Variants in METTL25 observed in about 807,000 individuals in gnomAD.
METTL25 encodes the protein methyltransferase like 25.
METTL25 carries 64 observed loss-of-function variants against 71.6 expected under a neutral mutation model. That is an observed-to-expected ratio of 0.89 (90% CI 0.73 to 1.10). The LOEUF (loss-of-function observed/expected upper bound fraction) is 1.10. Among genes scored for constraint, METTL25 ranks in the 50% least tolerant of loss-of-function variants. The pLI, the probability that METTL25 is intolerant of heterozygous loss-of-function variation, is 0.00. For synonymous variants in METTL25, 287 were observed against 250.3 expected, an observed-to-expected ratio of 1.15 and a Z score of -1.38; for missense variants, 807 against 707.0, an observed-to-expected ratio of 1.14 and a Z score of -1.60.
At chr12:82,379,356 A>G (rs1884200881) in intron 1 of METTL25, among the ~76,000 whole-genome samples, 1 of 152,214 alleles carries the variant, frequency 6.6e-6, no homozygotes, top group African/African-American at 2.4e-5. Context: ...TCACTTTTTA[A>G]CATTTTACAA....
chr12:82,389,721 T>G, intron 2 of METTL25, 95 bp from the exon 3 acceptor site: 1 of 702,344 alleles, frequency 1.4e-6, no homozygotes, highest in South Asian at 1.7e-5. Flanking sequence ...TCTGTATTAT[T>G]TTCCTACTTA....
At chr12:82,372,151 C>T (rs1239890756) in intron 1 of METTL25, among the ~76,000 whole-genome samples, 3 of 152,122 alleles carry the variant, frequency 2.0e-5, no homozygotes, top group African/African-American at 4.8e-5. Context: ...AAAGGTTTGC[C>T]CTAGACCCTG....
At chr12:82,395,468 T>A (rs1046501452) in intron 3 of METTL25, among the ~76,000 whole-genome samples, 1 of 152,000 alleles carries the variant, frequency 6.6e-6, no homozygotes, top group African/African-American at 2.4e-5. Flanking sequence ...AGTGATGAGA[T>A]CATGGATTTG....
chr12:82,454,771 C>A (rs1009592522), intron 8 of METTL25, among the ~76,000 whole-genome samples: 1 of 151,924 alleles, frequency 6.6e-6, no homozygotes. Flanking sequence ...CTTACACTTA[C>A]AATGTTTAAT....
intron 8 of METTL25, among the ~76,000 whole-genome samples, chr12:82,446,469 C>A (rs2642017): frequency 6.6e-6 from 1 of 151,952 alleles, no homozygotes; most frequent in Non-Finnish European, 1.5e-5. Context: ...TATCAAGTAT[C>A]ATTTCTGACT....
At chr12:82,474,518 A>T (rs957154759) in intron 9 of METTL25, 5 of 151,924 alleles carry the variant, frequency 3.3e-5, no homozygotes, top group African/African-American at 1.2e-4. Context: ...TGGTCTGCAG[A>T]TGATTAAGTC....
chr12:82,449,191 CAG>C (rs781501463), intron 8 of METTL25, among the ~76,000 whole-genome samples: 1 of 152,174 alleles, frequency 6.6e-6, no homozygotes, highest in African/African-American at 2.4e-5. Context: ...TTTATTCTGA[CAG>C]AGAGGCCCTT....
intron 9 of METTL25, among the ~76,000 whole-genome samples, chr12:82,466,613 T>G (rs990971054): frequency 6.6e-6 from 1 of 152,126 alleles, no homozygotes. Context: ...GTTAGTTTGA[T>G]CTAATGTGCA....
chr12:82,449,216 T>C (rs1474183135), intron 8 of METTL25, among the ~76,000 whole-genome samples: 2 of 152,220 alleles, frequency 1.3e-5, no homozygotes, highest in Non-Finnish European at 2.9e-5. Context: ...TAATCTGTTC[T>C]TAACTTCTCA....
rs758982043 is a variant in METTL25 at position 82,438,768 on chromosome 12, A to C, written c.1455A>C (p.Lys485Asn). The C allele has an allele frequency of 1.2e-5, 18 of 1,532,010 alleles. No individual in the cohort carries two copies. Among genetic ancestry groups the C allele is most frequent in the Non-Finnish European group, 1.4e-5 (16 of 1,124,688 alleles). The allele number at this position is 1,532,010 out of a possible 1,614,324, so 94.9% of individuals were successfully genotyped here. A position where few individuals can be genotyped will look rare whatever the true frequency, so the allele number is the denominator to read the frequency against. Residue 485 changes from lysine (K) to asparagine (N), a missense_variant, in exon 8 of 12, where the codon AAA becomes AAC. By Grantham distance (94) the Lys-to-Asn change is moderately conservative. Coordinates refer to ENST00000248306, the MANE Select transcript of METTL25 (RefSeq NM_032230.3). ...GTGCTGTTCTTCAGGATATTATTAA[A>C]GATTGTTATGGCATCACCAAATGGT... ...FYRAVLQDII[K>N]DCYGITKCDR... is the part of the protein sequence containing the mutation.
intron 8 of METTL25, among the ~76,000 whole-genome samples, chr12:82,453,134 G>T (rs1011227716): frequency 1.3e-5 from 2 of 152,132 alleles, no homozygotes; most frequent in Non-Finnish European, 1.5e-5. Flanking sequence ...AGCAATAAAT[G>T]ACTTGGGAAG....
rs143559362 is a variant in METTL25, at chr12:82,467,949, G to A, written c.1573-8695G>A. Among the ~76,000 whole-genome samples the A allele has an allele frequency of 3.3e-5, 5 of 151,976 alleles. No individual in the cohort carries two copies. The East Asian group carries it at 5.8e-4, about 18-fold the overall frequency. ...ATATTTGCTTGGTGGTCTTAAGGGT[G>A]TCCCAGAAAGCCTATAGGCTTTTTT... On this transcript the variant is annotated intron_variant, in intron 9 of 11. Transcript: ENST00000248306.
intron 4 of METTL25, among the ~76,000 whole-genome samples, chr12:82,399,721 A>G (rs558350249): frequency 6.6e-6 from 1 of 152,290 alleles, no homozygotes; most frequent in African/African-American, 2.4e-5. Flanking sequence ...TTAAATTTGA[A>G]GTAAAGGGAT....
intron 8 of METTL25, among the ~76,000 whole-genome samples, chr12:82,452,238 T>C (rs551081453): frequency 3.5e-4 from 54 of 152,324 alleles, no homozygotes; most frequent in African/African-American, 1.2e-3. Context: ...CTGAAAAATA[T>C]AACACACCCC....
chr12:82,458,400 C>G (rs1891638819), intron 9 of METTL25, among the ~76,000 whole-genome samples: 3 of 152,138 alleles, frequency 2.0e-5, no homozygotes, highest in Admixed American at 2.0e-4. Flanking sequence ...ACTGCTACCT[C>G]CCAAACTGGA....
intron 2 of METTL25, 40 bp downstream of exon 2, chr12:82,387,007 A>G (rs1885101212): frequency 6.7e-7 from 1 of 1,501,270 alleles, no homozygotes; most frequent in Non-Finnish European, 9.1e-7. Context: ...CTTTTTAGGT[A>G]CTTAGAAGCA....
intron 6 of METTL25, among the ~76,000 whole-genome samples, chr12:82,434,206 C>A (rs894002279): frequency 5.8e-4 from 87 of 151,144 alleles, no homozygotes; most frequent in Admixed American, 5.5e-3. Flanking sequence ...TATAGTTTTC[C>A]AAAATAAGTT....
Position 82,386,255 on chromosome 12 carries a change from A to G in METTL25, c.260-548A>G, listed in dbSNP as rs559455815. On this transcript the variant is annotated intron_variant, in intron 1 of 11. Transcript: ENST00000248306. ...ATGATGCAGGAACTGTTTTGCAGGG[A>G]CATTTATATACCACTGGGGATATTA... is the stretch of plus-strand genomic sequence containing the variant. Among the ~76,000 whole-genome samples the G allele has an allele frequency of 3.4e-4, 52 of 152,270 alleles. 1 individual carries two copies. In the South Asian group the frequency reaches 0.01, roughly 30 times the overall value.
chr12:82,425,930 G>A lies in METTL25; in HGVS notation c.1280-4963G>A, dbSNP rs376607613. 2.6e-5 allele frequency among the ~76,000 whole-genome samples: 4 copies of A among 152,048 alleles called. No homozygotes were observed. The East Asian group carries it at 7.8e-4, about 29-fold the overall frequency. ...GCAAGAAATACTAAGAAATAGGATA[G>A]AAAAGAAGAGACTTCATCTATTCCA... is the stretch of plus-strand genomic sequence containing the variant. On this transcript the variant is annotated intron_variant, in intron 5 of 11. Transcript: ENST00000248306.
Sources: allele counts gnomAD v4.1 joint callset (sites outside exome capture counted in the v4.1 genomes callset), GRCh38; gene constraint gnomAD v4.1.1; transcripts MANE v1.5; gene names NCBI Gene and HGNC (gene_info 2026-07-23, HGNC 2026-07-21).